OSBPL7: variants seen among roughly 807,000 people sequenced by gnomAD.
The protein encoded by OSBPL7 is oxysterol binding protein like 7, also known as oxysterol-binding protein-related protein 7.
A neutral mutation model predicts 115.8 loss-of-function variants in OSBPL7; 66 were observed. That is an observed-to-expected ratio of 0.57 (90% CI 0.47 to 0.70). The LOEUF is 0.70. Ranked by LOEUF, OSBPL7 falls within the 30% of genes least tolerant of loss-of-function variation. The pLI is 0.00. For missense variants in OSBPL7, 902 were observed against 1,125.5 expected, an observed-to-expected ratio of 0.80 and a Z score of 2.84; for synonymous variants, 441 against 439.2, an observed-to-expected ratio of 1.00 and a Z score of -0.05.
chr17:47,812,674 C>G (rs756153094), intron 16 of OSBPL7, among the ~76,000 whole-genome samples: 2 of 152,184 alleles, frequency 1.3e-5, no homozygotes, highest in Non-Finnish European at 2.9e-5. Flanking sequence ...CCAAACACAC[C>G]ACAGCCTAAG....
Position 47,816,724 on chromosome 17 carries a change from G to A in OSBPL7, c.796-29C>T. 6.2e-7 allele frequency: 1 copy of A among 1,614,008 alleles called. No individual in the cohort carries two copies. The highest frequency in any genetic ancestry group is 8.5e-7 in the Non-Finnish European group (1 of 1,179,932). ...TAGGTGAAGGGGAAGGGCTGAAGGGGCCGGCCTCCTTAGAGCATCCTGCCC... is the reference window on the plus strand; with the variant it reads ...TAGGTGAAGGGGAAGGGCTGAAGGGACCGGCCTCCTTAGAGCATCCTGCCC... On this transcript the variant is annotated intron_variant, in intron 9 of 22. Transcript: ENST00000007414. This position sits in a 1 kb window ranked among gnomAD's most constrained non-coding sequence, Gnocchi z 5.8.
chr17:47,809,319 G>C lies in OSBPL7; in HGVS notation c.2025+15C>G, dbSNP rs758986274. On this transcript the variant is annotated intron_variant, in intron 19 of 22. Coordinates refer to ENST00000007414, the MANE Select transcript of OSBPL7 (RefSeq NM_145798.3). Reference sequence around the variant, plus strand: ...TGCCGGGGATGGATGGGCAGGGTCAGGGTGGCACACACACCTTGCAGAAGG... The same window carrying C: ...TGCCGGGGATGGATGGGCAGGGTCACGGTGGCACACACACCTTGCAGAAGG... 3 of 1,613,642 alleles carry C rather than the reference G, an allele frequency of 1.9e-6. No homozygotes were observed. The South Asian group carries it at 3.3e-5, about 18-fold the overall frequency.
chr17:47,813,654 C>T lies in OSBPL7; in HGVS notation c.1532G>A (p.Cys511Tyr). The change falls in exon 15 of 23, where the codon TGC becomes TAC. Residue 511 changes from cysteine (C) to tyrosine (Y), a missense_variant. Around this residue, in one of 3 missense-constraint regions of OSBPL7, gnomAD observed 667 missense variants for 788.7 expected, o/e 0.85. Coordinates refer to ENST00000007414, the MANE Select transcript of OSBPL7 (RefSeq NM_145798.3). ...GAGGCTGCTGTACTCCAGCTCCTCG[C>T]AGAGCCGCTGCAGAGTGTTGAGCGG... ...NEPLNTLQRL[C>Y]EELEYSSLLD... is the part of the protein sequence containing the mutation. The T allele has an allele frequency of 1.9e-6, 3 of 1,613,206 alleles. No individual in the cohort carries two copies.
Position 47,809,375 on chromosome 17 carries a change from T to C in OSBPL7, c.1984A>G (p.Thr662Ala). Residue 662 changes from threonine to alanine, a missense_variant, in exon 19 of 23, where the codon ACA becomes GCA. Physicochemically the swap from Thr to Ala is moderately conservative, Grantham distance 58. This residue lies in a region of OSBPL7 where 230 missense variants were observed against 312.7 expected (regional missense o/e 0.74). Coordinates refer to ENST00000007414, the MANE Select transcript of OSBPL7 (RefSeq NM_145798.3). ...EHYGEVLIRN[T>A]QDSSCHCKIT... Reference sequence around the variant, plus strand: ...TTGCAGTGGCAGGAGCTGTCCTGTGTGTTTCGGATGAGCACCTCCCCATAG... The same window carrying C: ...TTGCAGTGGCAGGAGCTGTCCTGTGCGTTTCGGATGAGCACCTCCCCATAG... 2 of 1,614,176 alleles carry C rather than the reference T, an allele frequency of 1.2e-6. No individual in the cohort carries two copies. Among genetic ancestry groups the C allele is most frequent in the Non-Finnish European group, 1.7e-6 (2 of 1,180,026 alleles).
Position 47,813,851 on chromosome 17 carries a change from A to G in OSBPL7, c.1352-17T>C. ...CACACCCCCCTGGGGCCGCCCTGCC[A>G]TGTCACTCTCCATCTGGGCACCAGG... On this transcript the variant is annotated splice_polypyrimidine_tract_variant and intron_variant, in intron 14 of 22. Transcript: ENST00000007414. 6.3e-7 allele frequency: 1 copy of G among 1,595,726 alleles called. No individual in the cohort carries two copies. Among genetic ancestry groups the G allele is most frequent in the Non-Finnish European group, 8.5e-7 (1 of 1,174,322 alleles).
At chr17:47,820,410 C>T in intron 1 of OSBPL7, 45 bp from the exon 2 acceptor site, 1 of 783,372 alleles carries the variant, frequency 1.3e-6, no homozygotes, top group Non-Finnish European at 2.0e-6. Flanking sequence ...TCTGCTATCA[C>T]CTTCCCCACC....
chr17:47,816,795 A>G lies in OSBPL7; in HGVS notation c.780T>C (p.Asp260=). ...CCGACCTCACCCGTCCAATGGTGTC[A>G]TCCTTGGCAAAGCTCTGGGTGCACC... ...RMWCTQSFAK[D]DTIGRVGRLH... The change falls in exon 9 of 23, where the codon GAT becomes GAC. Residue 260 remains aspartate, a synonymous_variant. Transcript: ENST00000007414. This position sits in a 1 kb window ranked among gnomAD's most constrained non-coding sequence, Gnocchi z 5.8. The G allele has an allele frequency of 6.2e-7, 1 of 1,614,180 alleles. No individual in the cohort carries two copies. The highest frequency in any genetic ancestry group is 8.5e-7 in the Non-Finnish European group (1 of 1,180,036).
At chr17:47,810,405 C>A (rs1186570012) in intron 18 of OSBPL7, among the ~76,000 whole-genome samples, 189 bp downstream of exon 18, 1 of 152,212 alleles carries the variant, frequency 6.6e-6, no homozygotes, top group Non-Finnish European at 1.5e-5. Context: ...CGTTCCAAGG[C>A]TTTTCATCTT....
Position 47,818,574 on chromosome 17 carries a change from G to C in OSBPL7, c.412C>G (p.Arg138Gly), listed in dbSNP as rs772141294. ...AGGCGGTGGGCTAGGCGGTGGGCAC[G>C]CAGCTGCGCCACCCAGCTCTGGAAT... is the stretch of plus-strand genomic sequence containing the variant. ...DLFQSWVAQL[R>G]AHRLAHRLDM... The change falls in exon 6 of 23, where the codon CGT (arginine) becomes GGT (glycine). Residue 138 changes from arginine (R) to glycine (G), a missense_variant. By Grantham distance (125) the Arg-to-Gly change is moderately radical. Coordinates refer to ENST00000007414, the MANE Select transcript of OSBPL7 (RefSeq NM_145798.3). 3 of 1,612,696 alleles carry C rather than the reference G, an allele frequency of 1.9e-6. No homozygotes were observed.
At position 47,808,869 on chromosome 17, in the gene OSBPL7, G is replaced by C; in HGVS notation, c.2292C>G (p.Asp764Glu). Residue 764 changes from aspartate (D) to glutamate (E), a missense_variant, in exon 21 of 23, where the codon GAC (aspartate) becomes GAG (glutamate). Physicochemically the swap from Asp to Glu is conservative, Grantham distance 45. Coordinates refer to ENST00000007414, the MANE Select transcript of OSBPL7 (RefSeq NM_145798.3). This position sits in a 1 kb window ranked among gnomAD's most constrained non-coding sequence, Gnocchi z 6.1. The part of the protein sequence containing the change: ...LPSTDTRLRP[D>E]QRYLEEGNIQ... Reference sequence around the variant, plus strand: ...GGCACCCATCCGGCACTGACCTCTGGTCTGGCCGGAGTCTCGTGTCGGTGG... The same window carrying C: ...GGCACCCATCCGGCACTGACCTCTGCTCTGGCCGGAGTCTCGTGTCGGTGG... 6.2e-7 allele frequency: 1 copy of C among 1,614,228 alleles called. No homozygotes were observed. Among genetic ancestry groups the C allele is most frequent in the Non-Finnish European group, 8.5e-7 (1 of 1,180,034 alleles).
intron 13 of OSBPL7, chr17:47,814,960 C>T: frequency 1.8e-6 from 1 of 567,094 alleles, no homozygotes; most frequent in Admixed American, 3.2e-5. Flanking sequence ...AGGAAGATGA[C>T]CGGGGTTGCA....
In OSBPL7 at chr17:47,808,848, C is replaced by T; in HGVS notation, c.2297+16G>A. On this transcript the variant is annotated intron_variant, in intron 21 of 22. Transcript: ENST00000007414. This position sits in a 1 kb window ranked among gnomAD's most constrained non-coding sequence, Gnocchi z 6.1. ...TGAACTAGATGGTTCTAGGCCGGCA[C>T]CCATCCGGCACTGACCTCTGGTCTG... is the stretch of plus-strand genomic sequence containing the variant. 1 of 1,614,048 alleles carries T rather than the reference C, an allele frequency of 6.2e-7. No homozygotes were observed. Among genetic ancestry groups the T allele is most frequent in the Non-Finnish European group, 8.5e-7 (1 of 1,179,908 alleles).
In OSBPL7 at chr17:47,816,698, G is replaced by A; in HGVS notation, c.796-3C>T. On this transcript the variant is annotated splice_polypyrimidine_tract_variant and splice_region_variant and intron_variant, in intron 9 of 22. Coordinates refer to ENST00000007414, the MANE Select transcript of OSBPL7 (RefSeq NM_145798.3). This position sits in a 1 kb window ranked among gnomAD's most constrained non-coding sequence, Gnocchi z 5.8. Reference sequence around the variant, plus strand: ...ACAGAGCCATGGAGACGACCAACCTGTAGGTGAAGGGGAAGGGCTGAAGGG... The same window carrying A: ...ACAGAGCCATGGAGACGACCAACCTATAGGTGAAGGGGAAGGGCTGAAGGG... 6.2e-7 allele frequency: 1 copy of A among 1,614,136 alleles called. No individual in the cohort carries two copies. The highest frequency in any genetic ancestry group is 8.5e-7 in the Non-Finnish European group (1 of 1,180,026).
intron 16 of OSBPL7, among the ~76,000 whole-genome samples, chr17:47,811,926 G>A (rs2033055150): frequency 6.6e-6 from 1 of 152,204 alleles, no homozygotes; most frequent in African/African-American, 2.4e-5. Flanking sequence ...AATCCCAAAA[G>A]CTGGTAGCAG....
intron 16 of OSBPL7, among the ~76,000 whole-genome samples, chr17:47,811,221 T>C (rs9674625): frequency 0.02 from 2,723 of 134,694 alleles, 91 homozygotes; most frequent in African/African-American, 0.071. Flanking sequence ...CCAAAGCTGA[T>C]CATCGCCCTG....
intron 16 of OSBPL7, among the ~76,000 whole-genome samples, chr17:47,811,057 C>T (rs1056868059): frequency 6.6e-6 from 1 of 152,090 alleles, no homozygotes; most frequent in South Asian, 2.1e-4. Flanking sequence ...CAGAAGCTCC[C>T]CTGGCTGGCC....
chr17:47,814,035 G>T (rs2033135633), intron 14 of OSBPL7, among the ~76,000 whole-genome samples: 1 of 152,182 alleles, frequency 6.6e-6, no homozygotes, highest in African/African-American at 2.4e-5. Flanking sequence ...TGGCTGGCAG[G>T]GGTGGGAGCC....
rs148056157 is a variant in OSBPL7 at position 47,816,454 on chromosome 17, G to A, written c.957C>T (p.Ala319=). The stretch of plus-strand genomic sequence containing the variant: ...GTTGGTCCCGTTCCATGGTGAGGGC[G>A]GCCAGGACGCTGCTGAGGGAGCTGT... ...KVHSSLSSVL[A]ALTMERDQLR... The change falls in exon 11 of 23, where the codon GCC becomes GCT. Residue 319 remains alanine, a synonymous_variant. Coordinates refer to ENST00000007414, the MANE Select transcript of OSBPL7 (RefSeq NM_145798.3). The surrounding 1 kb of genome is among the most constrained non-coding windows in gnomAD (Gnocchi z 5.8). The A allele has an allele frequency of 7.1e-6, 11 of 1,546,408 alleles. No homozygotes were observed. Among genetic ancestry groups the A allele is most frequent in the African/African-American group, 5.5e-5 (4 of 73,294 alleles).
In OSBPL7 at chr17:47,809,315, G is replaced by C. The variant is rs748726923; in HGVS notation, c.2025+19C>G. 2 of 1,613,370 alleles carry C rather than the reference G, an allele frequency of 1.2e-6. No homozygotes were observed. Among genetic ancestry groups the C allele is most frequent in the Non-Finnish European group, 1.7e-6 (2 of 1,179,382 alleles). ...AGGCTGCCGGGGATGGATGGGCAGG[G>C]TCAGGGTGGCACACACACCTTGCAG... On this transcript the variant is annotated intron_variant, in intron 19 of 22. Transcript: ENST00000007414.
Sources: gnomAD v4.1 joint callset for allele counts (sites outside exome capture counted in the v4.1 genomes callset) on GRCh38, gnomAD v4.1.1 for gene constraint, gnomAD v4.1.1 regional missense constraint, Gnocchi (gnomAD v3.1) non-coding constraint, MANE v1.5 for transcripts, NCBI Gene and HGNC (gene_info 2026-07-23, HGNC 2026-07-21) for gene names.